Variants in THSD7B observed in about 807,000 individuals in gnomAD.
The protein encoded by THSD7B is thrombospondin type 1 domain containing 7B, also known as thrombospondin type-1 domain-containing protein 7B.
THSD7B carries 138 observed loss-of-function variants against 213.6 expected under a neutral mutation model. That is an observed-to-expected ratio of 0.65 (90% CI 0.56 to 0.74). The LOEUF is 0.74. Ranked by LOEUF, THSD7B falls within the 30% of genes least tolerant of loss-of-function variation. THSD7B has a pLI of 0.00. For synonymous variants in THSD7B, 742 were observed against 687.0 expected (o/e 1.08, Z -1.25); for missense variants, 1,931 against 1,991.5 (o/e 0.97, Z 0.58).
In THSD7B at chr2:137,676,522, A is replaced by G. The variant is rs1683703221; in HGVS notation, c.4740-2A>G. ...ATCTGAGGAATTTTTTTCCCTTTGC[A>G]GCAAGAAGCCAAAACCACATCAAAG... On this transcript the variant is annotated splice_acceptor_variant, in intron 27 of 27. Transcript: ENST00000409968. LOFTEE classifies it high-confidence loss of function. 2 of 1,589,152 alleles carry G rather than the reference A, an allele frequency of 1.3e-6. No individual in the cohort carries two copies. Among genetic ancestry groups the G allele is most frequent in the Admixed American group, 1.8e-5 (1 of 55,090 alleles).
chr2:137,590,881 C>T (rs1006315067), intron 17 of THSD7B, among the ~76,000 whole-genome samples: 5 of 135,894 alleles, frequency 3.7e-5, no homozygotes, highest in African/African-American at 1.4e-4. Context: ...GGATACAGAA[C>T]ATTTTGATTG....
At chr2:136,835,338 ACTG>A (rs1164984811) in intron 1 of THSD7B, among the ~76,000 whole-genome samples, 2 of 152,202 alleles carry the variant, frequency 1.3e-5, no homozygotes, top group Non-Finnish European at 2.9e-5. Flanking sequence ...CTCTCTCATG[ACTG>A]CTAAGCCATT....
intron 1 of THSD7B, among the ~76,000 whole-genome samples, chr2:136,821,737 A>G (rs963479368): frequency 6.6e-6 from 1 of 152,196 alleles, no homozygotes; most frequent in African/African-American, 2.4e-5. Context: ...TTCTTAGTAT[A>G]GGCAATGTGT....
At chr2:137,599,825 C>T (rs1020349620) in intron 17 of THSD7B, among the ~76,000 whole-genome samples, 12 of 152,244 alleles carry the variant, frequency 7.9e-5, no homozygotes, top group South Asian at 2.1e-4. Flanking sequence ...TATAACTAAA[C>T]GAGAGGGAAT....
At chr2:137,598,824 T>C (rs1682016259) in intron 17 of THSD7B, among the ~76,000 whole-genome samples, 1 of 152,116 alleles carries the variant, frequency 6.6e-6, no homozygotes, top group African/African-American at 2.4e-5. Flanking sequence ...TAGAGATTTT[T>C]CTCTTGTTTT....
chr2:137,034,911 T>C (rs1686746109), intron 2 of THSD7B, among the ~76,000 whole-genome samples: 1 of 152,232 alleles, frequency 6.6e-6, no homozygotes, highest in Non-Finnish European at 1.5e-5. Flanking sequence ...CATGTGCATG[T>C]GTCTTTATAG....
At chr2:137,382,023 G>A (rs996368536) in intron 12 of THSD7B, among the ~76,000 whole-genome samples, 6 of 152,188 alleles carry the variant, frequency 3.9e-5, no homozygotes, top group Non-Finnish European at 7.3e-5. Flanking sequence ...TCTGGGGGTG[G>A]ATGTTTTACA....
intron 2 of THSD7B, among the ~76,000 whole-genome samples, chr2:137,037,399 TATATG>T (rs1189966725): frequency 7.5e-6 from 1 of 133,700 alleles, no homozygotes; most frequent in African/African-American, 2.5e-5. Flanking sequence ...TTTGAACTGA[TATATG>T]TATGTATACG....
chr2:136,825,718 A>ATTTTTTTTTTGTTTTGTTTTTTT (rs1553451022), intron 1 of THSD7B, among the ~76,000 whole-genome samples: 1 of 116,896 alleles, frequency 8.6e-6, no homozygotes, highest in Non-Finnish European at 1.7e-5. Flanking sequence ...TGCCTGGCTA[A>ATTTTTTTTTTGTTTTGTTTTTTT]TTTTTTTTTT....
intron 4 of THSD7B, among the ~76,000 whole-genome samples, chr2:137,111,754 C>T (rs1050603719): frequency 1.3e-5 from 2 of 152,178 alleles, no homozygotes; most frequent in African/African-American, 4.8e-5. Flanking sequence ...AAAAAGCACA[C>T]TGATTCACAC....
chr2:137,442,435 C>T (rs1475584158), intron 14 of THSD7B, among the ~76,000 whole-genome samples: 1 of 152,032 alleles, frequency 6.6e-6, no homozygotes, highest in Non-Finnish European at 1.5e-5. Context: ...CAGAAACAAA[C>T]AGAACAGATT....
At chr2:137,476,868 A>G (rs1677776657) in intron 15 of THSD7B, among the ~76,000 whole-genome samples, 1 of 152,190 alleles carries the variant, frequency 6.6e-6, no homozygotes, top group South Asian at 2.1e-4. Flanking sequence ...CCACTGTGGT[A>G]TAGGAAGATA....
intron 15 of THSD7B, among the ~76,000 whole-genome samples, chr2:137,513,169 C>A (rs1466308008): frequency 1.3e-5 from 2 of 152,146 alleles, no homozygotes; most frequent in Non-Finnish European, 2.9e-5. Context: ...CTGTTTATTT[C>A]TCTAATTAAT....
intron 3 of THSD7B, among the ~76,000 whole-genome samples, chr2:137,074,917 A>G (rs1362494810): frequency 6.6e-6 from 1 of 152,038 alleles, no homozygotes; most frequent in East Asian, 1.9e-4. Context: ...ATTGGCCCCC[A>G]CTCTCTTCTG....
intron 20 of THSD7B, among the ~76,000 whole-genome samples, chr2:137,638,737 T>A (rs1236066623): frequency 6.6e-6 from 1 of 152,168 alleles, no homozygotes; most frequent in African/African-American, 2.4e-5. Context: ...TGGTCTCAGA[T>A]GGAGATGAGG....
At chr2:136,988,961 T>A (rs1379571047) in intron 2 of THSD7B, among the ~76,000 whole-genome samples, 1 of 152,186 alleles carries the variant, frequency 6.6e-6, no homozygotes, top group Non-Finnish European at 1.5e-5. Context: ...AGAGAAATAA[T>A]GAGTAGATAA....
chr2:137,141,828 G>A lies in THSD7B; in HGVS notation c.1370-18385G>A, dbSNP rs115720445. Among the ~76,000 whole-genome samples, 1,347 of 151,978 alleles carry A rather than the reference G, an allele frequency of 8.9e-3. 19 individuals carry two copies. The highest frequency in any genetic ancestry group is 0.031 in the African/African-American group (1,292 of 41,456). ...GCCTACTCCCCGTGCCCCACACCTG[G>A]TACTCACTGTTACAGTCTAGAAGTT... On this transcript the variant is annotated intron_variant, in intron 5 of 27. Coordinates refer to ENST00000409968, the MANE Select transcript of THSD7B (RefSeq NM_001316349.2).
intron 7 of THSD7B, among the ~76,000 whole-genome samples, chr2:137,206,429 T>C (rs1291071283): frequency 6.6e-6 from 1 of 152,086 alleles, no homozygotes; most frequent in African/African-American, 2.4e-5. Flanking sequence ...ATGTAGCTAG[T>C]TGCCACTCAG....
intron 2 of THSD7B, among the ~76,000 whole-genome samples, chr2:136,943,660 T>G (rs1235594416): frequency 6.6e-6 from 1 of 152,248 alleles, no homozygotes; most frequent in Non-Finnish European, 1.5e-5. Context: ...TTTCTTAGTT[T>G]ATTTGTGTAG....
Sources: allele counts gnomAD v4.1 joint callset (sites outside exome capture counted in the v4.1 genomes callset), GRCh38; gene constraint gnomAD v4.1.1; transcripts MANE v1.5; gene names NCBI Gene and HGNC (gene_info 2026-07-23, HGNC 2026-07-21).